CDX1: variants seen among roughly 807,000 people sequenced by gnomAD.
The protein encoded by CDX1 is caudal type homeobox 1.
Under a neutral mutation model 16.9 loss-of-function variants are expected in CDX1, and 9 were observed. That is an observed-to-expected ratio of 0.53 (90% confidence interval 0.32 to 0.93). The LOEUF (loss-of-function observed/expected upper bound fraction) is 0.93, where lower values mean the gene tolerates loss of function less well. Ranked by LOEUF, CDX1 falls within the 40% of genes least tolerant of loss-of-function variation. CDX1 has a pLI of 0.04. For synonymous variants in CDX1, 179 were observed against 179.0 expected (o/e 1.00, Z 0.00); for missense variants, 393 against 386.1 (o/e 1.02, Z -0.15).
At chr5:150,172,591 C>G (rs181828218) in intron 1 of CDX1, among the ~76,000 whole-genome samples, 3 of 152,304 alleles carry the variant, frequency 2.0e-5, no homozygotes, top group African/African-American at 4.8e-5. Flanking sequence ...TGAGACCCCC[C>G]CTTCCCCATG....
rs75930363 is a variant in CDX1 at position 150,168,357 on chromosome 5, G to A, written c.445+1036G>A. 2.0e-3 allele frequency among the ~76,000 whole-genome samples: 302 copies of A among 152,320 alleles called. 2 individuals carry two copies. Among genetic ancestry groups the A allele is most frequent in the African/African-American group, 6.9e-3 (287 of 41,576 alleles). On this transcript the variant is annotated intron_variant, in intron 1 of 2. Coordinates refer to ENST00000231656, the MANE Select transcript of CDX1 (RefSeq NM_001804.3). Reference sequence around the variant, plus strand: ...CCAGCTTGCCTCGGGGCAGATGCTGGGTTGGCCTTGATCAGGAGCTACGGG... The same window carrying A: ...CCAGCTTGCCTCGGGGCAGATGCTGAGTTGGCCTTGATCAGGAGCTACGGG...
In CDX1 at chr5:150,166,979, CCGCCCCCGG is replaced by C; in HGVS notation, c.112_120del (p.Ala38_Pro40del). ...CCCGCAAGCCTACGGCCCCCCGGCC[CCGCCCCCGG>C]CGCCCCCGCAGTACCCCGACTTCTC... On this transcript the variant is annotated inframe_deletion, in exon 1 of 3. Transcript: ENST00000231656. The C allele has an allele frequency of 2.1e-6, 3 of 1,451,866 alleles. No homozygotes were observed. Among genetic ancestry groups the C allele is most frequent in the Non-Finnish European group, 2.7e-6 (3 of 1,106,652 alleles). The allele number at this position is 1,451,866 out of a possible 1,614,324, so 89.9% of individuals were successfully genotyped here. A position where few individuals can be genotyped will look rare whatever the true frequency, so the allele number is the denominator to read the frequency against.
intron 1 of CDX1, among the ~76,000 whole-genome samples, chr5:150,173,364 C>T (rs1761530651): frequency 6.6e-6 from 1 of 152,176 alleles, no homozygotes; most frequent in Non-Finnish European, 1.5e-5. Flanking sequence ...CTCTGCTCCT[C>T]CCTGCCTGGG....
intron 1 of CDX1, among the ~76,000 whole-genome samples, chr5:150,182,347 A>C (rs1277803891): frequency 6.6e-6 from 1 of 152,170 alleles, no homozygotes; most frequent in African/African-American, 2.4e-5. Flanking sequence ...CTGGTCAGGG[A>C]TGCCCAGAAC....
At chr5:150,176,049 T>C (rs986444348) in intron 1 of CDX1, among the ~76,000 whole-genome samples, 16 of 152,168 alleles carry the variant, frequency 1.1e-4, no homozygotes, top group Admixed American at 3.3e-4. Context: ...TGGACCACAG[T>C]CCAGGTCTCT....
intron 1 of CDX1, among the ~76,000 whole-genome samples, chr5:150,169,908 C>G (rs1761481779): frequency 6.6e-6 from 1 of 152,230 alleles, no homozygotes; most frequent in African/African-American, 2.4e-5. Flanking sequence ...CAGTTTCACA[C>G]AAGCGGGGCT....
chr5:150,174,490 C>T (rs925981175), intron 1 of CDX1, among the ~76,000 whole-genome samples: 2 of 152,196 alleles, frequency 1.3e-5, no homozygotes, highest in African/African-American at 4.8e-5. Context: ...GGCGTCCGGA[C>T]CCTGGTAGGA....
rs1013080757 is a variant in CDX1 at position 150,167,257 on chromosome 5, G to T, written c.381G>T (p.Ala127=). ...CGGGCACACCGTCCTCGCCCGGAGCGCAGAGGCCGACGCCCTACGAGTGGA... is the reference window on the plus strand; with the variant it reads ...CGGGCACACCGTCCTCGCCCGGAGCTCAGAGGCCGACGCCCTACGAGTGGA... The part of the protein sequence containing the change: ...GGPGTPSSPG[A]QRPTPYEWMR... Residue 127 remains alanine (A), a synonymous_variant, in exon 1 of 3, where the codon GCG becomes GCT. Coordinates refer to ENST00000231656, the MANE Select transcript of CDX1 (RefSeq NM_001804.3). 7.9e-7 allele frequency: 1 copy of T among 1,266,958 alleles called. No individual in the cohort carries two copies. Among genetic ancestry groups the T allele is most frequent in the Non-Finnish European group, 9.9e-7 (1 of 1,012,540 alleles). The allele number at this position is 1,266,958 out of a possible 1,614,324, so 78.5% of individuals were successfully genotyped here.
Position 150,183,861 on chromosome 5 carries a change from A to C in CDX1, c.*181A>C. On this transcript the variant is annotated 3_prime_UTR_variant, in exon 3 of 3. Coordinates refer to ENST00000231656, the MANE Select transcript of CDX1 (RefSeq NM_001804.3). ...TGTGCAGTAAGCCTGTTGGATAAAG[A>C]CCTTCCAGCTCCTGTGTTCTAGACC... 2.2e-6 allele frequency: 1 copy of C among 449,496 alleles called. No homozygotes were observed. Among genetic ancestry groups the C allele is most frequent in the African/African-American group, 2.0e-5 (1 of 50,948 alleles). 27.8% of individuals were successfully genotyped at this position (449,496 alleles called of 1,614,324 possible).
At chr5:150,171,307 C>G (rs1469541212) in intron 1 of CDX1, among the ~76,000 whole-genome samples, 1 of 152,220 alleles carries the variant, frequency 6.6e-6, no homozygotes, top group African/African-American at 2.4e-5. Flanking sequence ...TCCCTACTGA[C>G]ATGGAATTGC....
rs1200083327 is a variant in CDX1 at position 150,166,889 on chromosome 5, T to A, written c.13T>A (p.Tyr5Asn). The A allele has an allele frequency of 2.0e-6, 3 of 1,514,000 alleles. No individual in the cohort carries two copies. The East Asian group carries it at 8.4e-5, about 43-fold the overall frequency. The allele number at this position is 1,514,000 out of a possible 1,614,324, so 93.8% of individuals were successfully genotyped here. MYVGYVLDKDSPVYP... is the reference protein window; with the variant it reads MYVGNVLDKDSPVYP... ...CCCCGCGGCCACCATGTATGTGGGC[T>A]ATGTGCTGGACAAGGATTCGCCCGT... Residue 5 changes from tyrosine (Y) to asparagine (N), a missense_variant, in exon 1 of 3, where the codon TAT becomes AAT. By Grantham distance (143) the Tyr-to-Asn change is moderately radical. Transcript: ENST00000231656.
intron 1 of CDX1, among the ~76,000 whole-genome samples, chr5:150,169,587 TGAGA>T (rs903604495): frequency 8.5e-5 from 13 of 152,192 alleles, no homozygotes; most frequent in Non-Finnish European, 1.6e-4. Flanking sequence ...TGACTCTCCC[TGAGA>T]GAGAGGCCAA....
chr5:150,178,480 G>C (rs1483583938), intron 1 of CDX1, among the ~76,000 whole-genome samples: 1 of 152,052 alleles, frequency 6.6e-6, no homozygotes, highest in Non-Finnish European at 1.5e-5. Context: ...CGTCCCAGGG[G>C]CCTGTAAATA....
rs200719809 is a variant in CDX1 at position 150,183,635 on chromosome 5, G to A, written c.753G>A (p.Leu251=). The change falls in exon 3 of 3, where the codon CTG becomes CTA. Residue 251 remains leucine (L), a synonymous_variant. Transcript: ENST00000231656. ...GGLCPSNTSL[L]ATSSPMPVKE... is the part of the protein sequence containing the mutation. The stretch of plus-strand genomic sequence containing the variant: ...TGTGTCCCAGCAACACCAGCCTCCT[G>A]GCCACCTCCTCTCCAATGCCTGTGA... The A allele has an allele frequency of 4.0e-5, 65 of 1,607,432 alleles. No homozygotes were observed. The highest frequency in any genetic ancestry group is 5.5e-5 in the Non-Finnish European group (65 of 1,175,760).
chr5:150,180,186 G>C (rs1286524305), intron 1 of CDX1, among the ~76,000 whole-genome samples: 1 of 152,256 alleles, frequency 6.6e-6, no homozygotes, highest in Non-Finnish European at 1.5e-5. Context: ...CTCCAGTGCT[G>C]GTGGCATTAG....
At chr5:150,173,677 C>T (rs907817640) in intron 1 of CDX1, among the ~76,000 whole-genome samples, 1 of 152,240 alleles carries the variant, frequency 6.6e-6, no homozygotes, top group African/African-American at 2.4e-5. Flanking sequence ...TTATGGTAAT[C>T]ATAATGCGAA....
chr5:150,179,805 A>T (rs1249595274), intron 1 of CDX1, among the ~76,000 whole-genome samples: 1 of 152,192 alleles, frequency 6.6e-6, no homozygotes, highest in Non-Finnish European at 1.5e-5. Flanking sequence ...CTTTCCCAGA[A>T]GTAGCAATGG....
intron 1 of CDX1, among the ~76,000 whole-genome samples, chr5:150,169,427 G>C (rs1179668508): frequency 6.6e-6 from 1 of 152,080 alleles, no homozygotes; most frequent in African/African-American, 2.4e-5. Flanking sequence ...CTCCAGGAAA[G>C]GGACTTCCCT....
intron 1 of CDX1, among the ~76,000 whole-genome samples, chr5:150,174,347 G>T (rs17110994): frequency 6.6e-6 from 1 of 152,374 alleles, no homozygotes; most frequent in African/African-American, 2.4e-5. Flanking sequence ...AAGGGATGCA[G>T]TTGCTGTTTG....
Sources: gnomAD v4.1 joint callset for allele counts (sites outside exome capture counted in the v4.1 genomes callset) on GRCh38, gnomAD v4.1.1 for gene constraint, MANE v1.5 for transcripts, NCBI Gene and HGNC (gene_info 2026-07-23, HGNC 2026-07-21) for gene names.